Variants in LRRTM4 observed in about 807,000 individuals in gnomAD.
LRRTM4 encodes the protein leucine-rich repeat transmembrane neuronal protein 4.
A neutral mutation model predicts 47.6 loss-of-function variants in LRRTM4; 25 were observed. The observed-to-expected ratio is 0.53, with a 90% confidence interval of 0.38 to 0.73. LRRTM4 has a LOEUF of 0.73. LRRTM4 is among the 30% of genes least tolerant of loss of function. The pLI, the probability that LRRTM4 is intolerant of heterozygous loss-of-function variation, is 0.00. For synonymous variants in LRRTM4, 311 were observed against 269.5 expected (o/e 1.15, Z -1.51); for missense variants, 638 against 713.4 (o/e 0.89, Z 1.20).
At chr2:76,893,166 T>G in intron 3 of LRRTM4, among the ~76,000 whole-genome samples, 1 of 151,726 alleles carries the variant, frequency 6.6e-6, no homozygotes, top group East Asian at 1.9e-4. Flanking sequence ...TTCTCTCATT[T>G]CATCACAAAA....
chr2:77,337,210 G>C (rs1483999997), intron 3 of LRRTM4, among the ~76,000 whole-genome samples: 1 of 152,058 alleles, frequency 6.6e-6, no homozygotes, highest in East Asian at 1.9e-4. Context: ...ACTTCTGAAG[G>C]AAATCATACA....
chr2:77,463,427 T>C (rs1371882451), intron 3 of LRRTM4, among the ~76,000 whole-genome samples: 3 of 152,086 alleles, frequency 2.0e-5, no homozygotes, highest in Non-Finnish European at 2.9e-5. Context: ...ACATATTCTT[T>C]TTACCCAGTA....
chr2:77,363,655 TG>T (rs1329338398), intron 3 of LRRTM4, among the ~76,000 whole-genome samples: 1 of 152,200 alleles, frequency 6.6e-6, no homozygotes, highest in African/African-American at 2.4e-5. Flanking sequence ...AAATAGTAAA[TG>T]ACTAATGAAT....
At chr2:76,996,460 C>G (rs78777643) in intron 3 of LRRTM4, among the ~76,000 whole-genome samples, 1 of 151,772 alleles carries the variant, frequency 6.6e-6, no homozygotes, top group East Asian at 1.9e-4. Flanking sequence ...TAAAATTAAG[C>G]GAGGTTACTT....
chr2:76,789,288 G>A (rs1397210281), intron 3 of LRRTM4, among the ~76,000 whole-genome samples: 1 of 152,114 alleles, frequency 6.6e-6, no homozygotes, highest in Non-Finnish European at 1.5e-5. Context: ...GGAAAAAATG[G>A]CCAAGTAGGT....
chr2:77,316,246 G>A (rs1244996498), intron 3 of LRRTM4, among the ~76,000 whole-genome samples: 1 of 152,122 alleles, frequency 6.6e-6, no homozygotes, highest in Non-Finnish European at 1.5e-5. Context: ...CAGATGAAAG[G>A]AGATAATATA....
chr2:77,303,438 C>A (rs780813025), intron 3 of LRRTM4, among the ~76,000 whole-genome samples: 4 of 152,120 alleles, frequency 2.6e-5, no homozygotes, highest in Non-Finnish European at 4.4e-5. Context: ...CCATACAATT[C>A]TTTTGATAGG....
intron 3 of LRRTM4, among the ~76,000 whole-genome samples, chr2:77,230,031 G>A (rs1249566757): frequency 2.0e-5 from 3 of 152,078 alleles, no homozygotes; most frequent in Admixed American, 6.6e-5. Flanking sequence ...GAGCAAGTCT[G>A]TGTTATTCTT....
In LRRTM4 at chr2:77,216,492, C is replaced by T. The variant is rs187341735; in HGVS notation, c.1551+301826G>A. Among the ~76,000 whole-genome samples, 770 of 151,510 alleles carry T rather than the reference C, an allele frequency of 5.1e-3. 5 individuals are homozygous for T. The highest frequency in any genetic ancestry group is 0.018 in the African/African-American group (735 of 41,264). ...CCATCCTGGCCAATATGGTGAAACA[C>T]CAATCTCAGCTCACTGTACTCCAGC... On this transcript the variant is annotated intron_variant, in intron 3 of 3. Transcript: ENST00000409884.
intron 3 of LRRTM4, among the ~76,000 whole-genome samples, chr2:76,893,990 G>A (rs1673331866): frequency 1.3e-5 from 2 of 151,768 alleles, no homozygotes; most frequent in Non-Finnish European, 2.9e-5. Context: ...CACAGTTAAG[G>A]CAACAGTCAA....
At chr2:77,257,650 C>T (rs1453379358) in intron 3 of LRRTM4, among the ~76,000 whole-genome samples, 3 of 149,454 alleles carry the variant, frequency 2.0e-5, no homozygotes, top group Non-Finnish European at 4.4e-5. Context: ...AGTTATAGAC[C>T]GAGAGAAAAT....
chr2:77,149,261 A>G (rs1351206298), intron 3 of LRRTM4, among the ~76,000 whole-genome samples: 1 of 152,194 alleles, frequency 6.6e-6, no homozygotes, highest in Non-Finnish European at 1.5e-5. Flanking sequence ...ATACTAAAAT[A>G]CAATATTTTA....
chr2:77,154,536 T>G (rs1192492051), intron 3 of LRRTM4, among the ~76,000 whole-genome samples: 2 of 152,088 alleles, frequency 1.3e-5, no homozygotes, highest in Non-Finnish European at 2.9e-5. Context: ...GTATACATAT[T>G]AGTAAAGTAT....
intron 3 of LRRTM4, among the ~76,000 whole-genome samples, chr2:76,928,096 T>C (rs11889001): frequency 0.027 from 4,176 of 152,230 alleles, 178 homozygotes; most frequent in African/African-American, 0.087. Context: ...ATGAGACATA[T>C]AATAGTCACA....
At chr2:76,901,237 T>C (rs964202568) in intron 3 of LRRTM4, among the ~76,000 whole-genome samples, 1 of 152,102 alleles carries the variant, frequency 6.6e-6, no homozygotes, top group African/African-American at 2.4e-5. Context: ...GTGTGTGTTG[T>C]TCCCCTTCCT....
intron 3 of LRRTM4, among the ~76,000 whole-genome samples, chr2:77,490,313 A>T (rs951877193): frequency 2.6e-5 from 4 of 152,202 alleles, no homozygotes; most frequent in Non-Finnish European, 4.4e-5. Context: ...TTGAAGAAAA[A>T]TAAAGAGATA....
intron 3 of LRRTM4, among the ~76,000 whole-genome samples, chr2:77,283,803 A>G (rs1412180939): frequency 6.6e-6 from 1 of 152,006 alleles, no homozygotes; most frequent in African/African-American, 2.4e-5. Flanking sequence ...TGGCAACAAT[A>G]AAAACTGGGG....
intron 3 of LRRTM4, among the ~76,000 whole-genome samples, chr2:77,167,856 C>T (rs1672931622): frequency 6.6e-6 from 1 of 152,016 alleles, no homozygotes; most frequent in Non-Finnish European, 1.5e-5. Context: ...ATGTAAATGA[C>T]AAGTTAATGG....
chr2:77,383,855 T>C (rs879852830), intron 3 of LRRTM4, among the ~76,000 whole-genome samples: 3 of 152,080 alleles, frequency 2.0e-5, no homozygotes, highest in Non-Finnish European at 4.4e-5. Flanking sequence ...ACCTCAAATC[T>C]ACTTTAGTGG....
Sources: gnomAD v4.1 joint callset for allele counts (sites outside exome capture counted in the v4.1 genomes callset) on GRCh38, gnomAD v4.1.1 for gene constraint, MANE v1.5 for transcripts, NCBI Gene and HGNC (gene_info 2026-07-23, HGNC 2026-07-21) for gene names.